TAF8: variants seen among roughly 807,000 people sequenced by gnomAD.
The protein encoded by TAF8 is transcription initiation factor TFIID subunit 8.
In TAF8, 47 loss-of-function variants were observed where a neutral mutation model predicts 36.5. That is an observed-to-expected ratio of 1.29 (90% CI 1.02 to 1.64). The LOEUF (loss-of-function observed/expected upper bound fraction) is 1.64, where lower values mean the gene tolerates loss of function less well. TAF8 is among the 40% of genes most tolerant of loss of function. The pLI is 0.00. For synonymous variants in TAF8, 175 were observed against 159.5 expected (o/e 1.10, Z -0.73); for missense variants, 420 against 407.6 (o/e 1.03, Z -0.26).
At chr6:42,061,983 T>C (rs1765205185) in intron 5 of TAF8, among the ~76,000 whole-genome samples, 1 of 152,198 alleles carries the variant, frequency 6.6e-6, no homozygotes, top group South Asian at 2.1e-4. Flanking sequence ...TAGAGGAGAC[T>C]TAGCTTTCCA....
chr6:42,073,763 C>T (rs375088099), intron 7 of TAF8, among the ~76,000 whole-genome samples: 12 of 152,042 alleles, frequency 7.9e-5, no homozygotes, highest in East Asian at 1.9e-4. Flanking sequence ...TGTGGGAGGG[C>T]GTGGAGCAGA....
intron 5 of TAF8, among the ~76,000 whole-genome samples, chr6:42,065,018 CGTT>C (rs1765314164): frequency 6.7e-6 from 1 of 148,192 alleles, no homozygotes; most frequent in African/African-American, 2.5e-5. Context: ...CTTTATTGGT[CGTT>C]GTTAAAATGT....
At position 42,068,924 on chromosome 6, in the gene TAF8, G is replaced by A. The variant is rs773467215; in HGVS notation, c.780+317G>A. On this transcript the variant is annotated intron_variant, in intron 7 of 8. Coordinates refer to ENST00000372977, the MANE Select transcript of TAF8 (RefSeq NM_138572.3). ...TAATAAATGAGGAGATAGGAAGTGG[G>A]GATGGGAATGGGAGGGATGCAGTAT... Among the ~76,000 whole-genome samples the A allele has an allele frequency of 2.4e-4, 37 of 152,174 alleles. 1 individual carries two copies. Among genetic ancestry groups the A allele is most frequent in the Admixed American group, 6.5e-5 (1 of 15,268 alleles).
chr6:42,082,824 C>T lies in TAF8; in HGVS notation c.*5279C>T, dbSNP rs1453812660. 6.6e-6 allele frequency: 1 copy of T among 152,192 alleles called. No individual in the cohort carries two copies. Among genetic ancestry groups the T allele is most frequent in the East Asian group, 1.9e-4 (1 of 5,202 alleles). 9.4% of individuals were successfully genotyped at this position (152,192 alleles called of 1,614,324 possible). A position where few individuals can be genotyped will look rare whatever the true frequency, so the allele number is the denominator to read the frequency against. On this transcript the variant is annotated 3_prime_UTR_variant, in exon 9 of 9. Coordinates refer to ENST00000372977, the MANE Select transcript of TAF8 (RefSeq NM_138572.3). ...CAAAAAAAGTTCTTAATTCTGCGAACATCAACTTCCTGTGCCCAGGTGCAA... is the reference window on the plus strand; with the variant it reads ...CAAAAAAAGTTCTTAATTCTGCGAATATCAACTTCCTGTGCCCAGGTGCAA...
At position 42,081,182 on chromosome 6, in the gene TAF8, T is replaced by TGTGTGTGTGC. The variant is rs1194370674; in HGVS notation, c.*3653_*3662dup. On this transcript the variant is annotated 3_prime_UTR_variant, in exon 9 of 9. Transcript: ENST00000372977. The stretch of plus-strand genomic sequence containing the variant: ...TCTTTCCTCCTGGAGTGTGTGTGTG[T>TGTGTGTGTGC]GTGTGTGTGCGTGTGTGTGCGTGTG... The TGTGTGTGTGC allele has an allele frequency of 1.4e-5, 2 of 144,362 alleles. No individual in the cohort carries two copies. Among genetic ancestry groups the TGTGTGTGTGC allele is most frequent in the South Asian group, 4.6e-4 (2 of 4,390 alleles). 8.9% of individuals were successfully genotyped at this position (144,362 alleles called of 1,614,324 possible).
chr6:42,077,357 G>A (rs1253706199), intron 8 of TAF8, 118 bp downstream of exon 8: 15 of 1,498,522 alleles, frequency 1.0e-5, no homozygotes, highest in Admixed American at 4.5e-5. Context: ...TCTGGTGAGA[G>A]GGAATAGTCT....
intron 7 of TAF8, among the ~76,000 whole-genome samples, chr6:42,069,706 C>G (rs574661133): frequency 6.6e-6 from 1 of 152,182 alleles, no homozygotes; most frequent in African/African-American, 2.4e-5. Flanking sequence ...GTTTGAGGAG[C>G]AGTTAGGGCA....
intron 5 of TAF8, among the ~76,000 whole-genome samples, chr6:42,062,704 A>AT (rs1026637690): frequency 1.3e-3 from 184 of 144,464 alleles, no homozygotes; most frequent in Middle Eastern, 0.011. Flanking sequence ...AGCCTGGCTA[A>AT]TTTTTTTTTT....
intron 5 of TAF8, among the ~76,000 whole-genome samples, chr6:42,065,698 G>A (rs1472834432): frequency 2.0e-5 from 3 of 152,146 alleles, no homozygotes; most frequent in African/African-American, 4.8e-5. Flanking sequence ...CTTTCTTCAC[G>A]ATGCGTCTCT....
At chr6:42,070,264 A>G (rs1320799676) in intron 7 of TAF8, among the ~76,000 whole-genome samples, 1 of 152,124 alleles carries the variant, frequency 6.6e-6, no homozygotes, top group Non-Finnish European at 1.5e-5. Flanking sequence ...TGAGGTGGGC[A>G]GATCACGAGG....
rs1275265247 is a variant in TAF8 at position 42,079,971 on chromosome 6, C to T, written c.*2426C>T. 3 of 982,082 alleles carry T rather than the reference C, an allele frequency of 3.1e-6. No individual in the cohort carries two copies. The African/African-American group carries it at 5.3e-5, about 17-fold the overall frequency. 60.8% of individuals were successfully genotyped at this position (982,082 alleles called of 1,614,324 possible). A position where few individuals can be genotyped will look rare whatever the true frequency, so the allele number is the denominator to read the frequency against. On this transcript the variant is annotated 3_prime_UTR_variant, in exon 9 of 9. Transcript: ENST00000372977. ...ACTGTGTAAGGAAAGAGCTGCTTGT[C>T]AGGAACGGAAGAGGGGACGCTAGTA...
chr6:42,077,327 G>A (rs557652849), intron 8 of TAF8, 88 bp downstream of exon 8: 15 of 1,518,882 alleles, frequency 9.9e-6, no homozygotes, highest in Admixed American at 2.2e-5. Context: ...TCAGTGGGGC[G>A]GAGCCTTGGG....
chr6:42,050,987 A>G (rs1233073082), intron 1 of TAF8: 8 of 1,080,400 alleles, frequency 7.4e-6, no homozygotes, highest in Non-Finnish European at 9.0e-6. Context: ...TTCCCTTTCA[A>G]TGAAATGGTG....
In TAF8 at chr6:42,068,579, C is replaced by A; in HGVS notation, c.752C>A (p.Thr251Lys). 1 of 1,613,836 alleles carries A rather than the reference C, an allele frequency of 6.2e-7. No homozygotes were observed. The highest frequency in any genetic ancestry group is 2.2e-5 in the East Asian group (1 of 44,882). Residue 251 changes from threonine to lysine, a missense_variant, in exon 7 of 9, where the codon ACA (threonine) becomes AAA (lysine). Physicochemically the swap from Thr to Lys is moderately conservative, Grantham distance 78. Coordinates refer to ENST00000372977, the MANE Select transcript of TAF8 (RefSeq NM_138572.3). The part of the protein sequence containing the change: ...DSSEQDEQTD[T>K]ENLALHISME... The stretch of plus-strand genomic sequence containing the variant: ...TCGGAGCAGGATGAACAGACAGACA[C>A]AGAGAACCTTGCTCTTCATATCAGC...
intron 2 of TAF8, among the ~76,000 whole-genome samples, chr6:42,053,202 C>CAATG (rs532148948): frequency 3.6e-4 from 55 of 152,260 alleles, no homozygotes; most frequent in African/African-American, 1.3e-3. Flanking sequence ...CTCAGAATCC[C>CAATG]TTTATATTAA....
Position 42,077,696 on chromosome 6 carries a change from T to C in TAF8, c.*151T>C, listed in dbSNP as rs1042177847. 22 of 1,490,694 alleles carry C rather than the reference T, an allele frequency of 1.5e-5. No homozygotes were observed. Among genetic ancestry groups the C allele is most frequent in the Non-Finnish European group, 1.7e-5 (19 of 1,123,560 alleles). 92.3% of individuals were successfully genotyped at this position (1,490,694 alleles called of 1,614,324 possible). A position where few individuals can be genotyped will look rare whatever the true frequency, so the allele number is the denominator to read the frequency against. On this transcript the variant is annotated 3_prime_UTR_variant, in exon 9 of 9. Coordinates refer to ENST00000372977, the MANE Select transcript of TAF8 (RefSeq NM_138572.3). ...ATGATTTTCATGGCAAACCGTCTTA[T>C]TAAGATGACCTATTTTCACTGGATG...
At position 42,077,953 on chromosome 6, in the gene TAF8, G is replaced by A. The variant is rs557615872; in HGVS notation, c.*408G>A. ...GTATTTTGAGTAGAGATAGGGTTTC[G>A]CCATGTTGGCCAGGCTGGTCTTGAA... is the stretch of plus-strand genomic sequence containing the variant. On this transcript the variant is annotated 3_prime_UTR_variant, in exon 9 of 9. Coordinates refer to ENST00000372977, the MANE Select transcript of TAF8 (RefSeq NM_138572.3). 3.2e-5 allele frequency: 7 copies of A among 220,806 alleles called. No individual in the cohort carries two copies. Among genetic ancestry groups the A allele is most frequent in the East Asian group, 1.6e-4 (1 of 6,186 alleles). The allele number at this position is 220,806 out of a possible 1,614,324, so 13.7% of individuals were successfully genotyped here. A position where few individuals can be genotyped will look rare whatever the true frequency, so the allele number is the denominator to read the frequency against.
At chr6:42,075,443 A>G (rs956757263) in intron 7 of TAF8, among the ~76,000 whole-genome samples, 1 of 152,238 alleles carries the variant, frequency 6.6e-6, no homozygotes, top group Non-Finnish European at 1.5e-5. Flanking sequence ...GGGAGAGGGC[A>G]CGCAGGGGAA....
rs541707036 is a variant in TAF8, at chr6:42,082,030, C to G, written c.*4485C>G. ...GGTGCAATATCAAAACCCTTGCATT[C>G]AGTTTCAGTGTACAATGTAGATGGT... On this transcript the variant is annotated 3_prime_UTR_variant, in exon 9 of 9. Coordinates refer to ENST00000372977, the MANE Select transcript of TAF8 (RefSeq NM_138572.3). The G allele has an allele frequency of 1.5e-4, 23 of 152,324 alleles. No individual in the cohort carries two copies. The highest frequency in any genetic ancestry group is 5.5e-4 in the African/African-American group (23 of 41,560). The allele number at this position is 152,324 out of a possible 1,614,324, so 9.4% of individuals were successfully genotyped here.
Sources: allele counts gnomAD v4.1 joint callset (sites outside exome capture counted in the v4.1 genomes callset), GRCh38; gene constraint gnomAD v4.1.1; transcripts MANE v1.5; gene names NCBI Gene and HGNC (gene_info 2026-07-23, HGNC 2026-07-21).